PDE4D: variants seen among roughly 807,000 people sequenced by gnomAD.
PDE4D encodes the protein 3',5'-cyclic-AMP phosphodiesterase 4D.
Under a neutral mutation model 87.4 loss-of-function variants are expected in PDE4D, and 24 were observed. That is an observed-to-expected ratio of 0.27 (90% CI 0.20 to 0.39). The LOEUF (loss-of-function observed/expected upper bound fraction) is 0.39, where lower values mean the gene tolerates loss of function less well. Among genes scored for constraint, PDE4D ranks in the 10% least tolerant of loss-of-function variants. The pLI is 1.00. For missense variants in PDE4D, 714 were observed against 1,041.0 expected (o/e 0.69, Z 4.32); for synonymous variants, 384 against 383.2 (o/e 1.00, Z -0.02).
chr5:59,378,898 T>C (rs244587), intron 1 of PDE4D, among the ~76,000 whole-genome samples: 39,280 of 151,950 alleles, frequency 0.26, 5,569 homozygotes, highest in East Asian at 0.36. Context: ...CATCCATTTA[T>C]AGGGAAAGGC....
At chr5:59,738,134 C>A (rs922137719) in intron 1 of PDE4D, among the ~76,000 whole-genome samples, 14 of 152,072 alleles carry the variant, frequency 9.2e-5, no homozygotes, top group Non-Finnish European at 1.5e-5. Flanking sequence ...GATTGTGGGA[C>A]AATTATTATT....
chr5:59,130,396 C>T (rs954768554), intron 5 of PDE4D, among the ~76,000 whole-genome samples: 6 of 152,116 alleles, frequency 3.9e-5, no homozygotes, highest in South Asian at 2.1e-4. Flanking sequence ...AGACAAGCCA[C>T]GGCATCTCGT....
chr5:60,026,641 A>G (rs952976131), intron 2 of PDE4D, among the ~76,000 whole-genome samples: 7 of 152,170 alleles, frequency 4.6e-5, no homozygotes, highest in Admixed American at 3.3e-4. Flanking sequence ...CAACACCATG[A>G]TAAGTCCATT....
At chr5:59,595,116 C>T (rs1205673662) in intron 1 of PDE4D, among the ~76,000 whole-genome samples, 1 of 152,122 alleles carries the variant, frequency 6.6e-6, no homozygotes, top group Non-Finnish European at 1.5e-5. Flanking sequence ...AATTTTTATA[C>T]AATTTCAAAT....
intron 5 of PDE4D, among the ~76,000 whole-genome samples, chr5:59,097,100 T>A (rs1442471135): frequency 1.3e-5 from 2 of 152,100 alleles, no homozygotes; most frequent in African/African-American, 4.8e-5. Context: ...TAAAAGCAAT[T>A]TTCACTTTCT....
chr5:60,432,633 CA>C (rs938768237), intron 1 of PDE4D, among the ~76,000 whole-genome samples: 2 of 151,920 alleles, frequency 1.3e-5, no homozygotes, highest in Non-Finnish European at 2.9e-5. Context: ...CAATTCTAAG[CA>C]AAAAAGAATA....
chr5:59,751,359 AAAAGTAG>A (rs1760428264), intron 1 of PDE4D, among the ~76,000 whole-genome samples: 1 of 152,164 alleles, frequency 6.6e-6, no homozygotes, highest in Non-Finnish European at 1.5e-5. Flanking sequence ...TTATCTTGGG[AAAAGTAG>A]AAGAGCAGTA....
chr5:59,277,024 T>C (rs1266714369), intron 1 of PDE4D, among the ~76,000 whole-genome samples: 1 of 152,106 alleles, frequency 6.6e-6, no homozygotes, highest in Non-Finnish European at 1.5e-5. Context: ...CAAGTGAAAA[T>C]AATGTAAGCA....
intron 1 of PDE4D, among the ~76,000 whole-genome samples, chr5:60,303,404 G>A (rs1754115083): frequency 6.6e-6 from 1 of 150,760 alleles, no homozygotes; most frequent in Non-Finnish European, 1.5e-5. Flanking sequence ...CGCCTCCCGG[G>A]TTCACGCCAT....
chr5:59,971,213 G>T (rs1318270347), intron 3 of PDE4D, among the ~76,000 whole-genome samples: 3 of 113,026 alleles, frequency 2.7e-5, no homozygotes, highest in East Asian at 3.3e-4. Context: ...GTTGTGGGGT[G>T]GGGGGAGGGG....
chr5:59,832,207 A>G (rs1258350944), intron 1 of PDE4D, among the ~76,000 whole-genome samples: 6 of 152,048 alleles, frequency 3.9e-5, no homozygotes, highest in African/African-American at 1.4e-4. Context: ...GCTCAAATAG[A>G]AATTCCTGAA....
chr5:59,152,090 G>C (rs1462151212), intron 5 of PDE4D, among the ~76,000 whole-genome samples: 1 of 152,144 alleles, frequency 6.6e-6, no homozygotes, highest in Non-Finnish European at 1.5e-5. Flanking sequence ...AAGTTTTGAA[G>C]CCTGGCTCCA....
rs148288731 is a variant in PDE4D at position 59,418,695 on chromosome 5, G to A, written c.456-202727C>T. On this transcript the variant is annotated intron_variant, in intron 1 of 14. Transcript: ENST00000340635. ...ACAGAGTCTTACTCTGTCTCCCAGG[G>A]TGGAGTGCAGTGGCACGATCTCAGC... is the stretch of plus-strand genomic sequence containing the variant. Among the ~76,000 whole-genome samples the A allele has an allele frequency of 3.6e-3, 541 of 152,122 alleles. 5 individuals carry two copies. Among genetic ancestry groups the A allele is most frequent in the Middle Eastern group, 0.034 (10 of 294 alleles).
chr5:59,554,697 A>G (rs2153689160), intron 1 of PDE4D, among the ~76,000 whole-genome samples: 1 of 152,270 alleles, frequency 6.6e-6, no homozygotes, highest in South Asian at 2.1e-4. Context: ...CTGAATGGAA[A>G]GTTAACCATG....
At chr5:59,486,838 T>A (rs1010911083) in intron 1 of PDE4D, among the ~76,000 whole-genome samples, 3 of 152,228 alleles carry the variant, frequency 2.0e-5, no homozygotes, top group African/African-American at 7.2e-5. Flanking sequence ...AATACTAGGT[T>A]TTTATTAAGC....
At chr5:60,439,845 G>A (rs1237154268) in intron 1 of PDE4D, among the ~76,000 whole-genome samples, 2 of 150,986 alleles carry the variant, frequency 1.3e-5, no homozygotes, top group African/African-American at 2.4e-5. Flanking sequence ...TCCATCCTGG[G>A]TGCAATTTTA....
chr5:60,251,170 A>G (rs1440463549), intron 1 of PDE4D, among the ~76,000 whole-genome samples: 1 of 152,030 alleles, frequency 6.6e-6, no homozygotes, highest in African/African-American at 2.4e-5. Context: ...CAAAATTGTT[A>G]AAGATAAAAA....
intron 1 of PDE4D, among the ~76,000 whole-genome samples, chr5:59,498,989 T>A (rs1807750517): frequency 6.6e-6 from 1 of 152,056 alleles, no homozygotes; most frequent in Non-Finnish European, 1.5e-5. Context: ...CATCTGCACA[T>A]GATATATATT....
chr5:60,439,335 T>C (rs533301064), intron 1 of PDE4D, among the ~76,000 whole-genome samples: 77 of 152,206 alleles, frequency 5.1e-4, no homozygotes, highest in African/African-American at 1.8e-3. Flanking sequence ...TTAATAATTT[T>C]AAATTTAGCT....
Sources: gnomAD v4.1 joint callset for allele counts (sites outside exome capture counted in the v4.1 genomes callset) on GRCh38, gnomAD v4.1.1 for gene constraint, MANE v1.5 for transcripts, NCBI Gene and HGNC (gene_info 2026-07-23, HGNC 2026-07-21) for gene names.